The following BBX variants were observed in gnomAD, a reference collection of about 807,000 sequenced individuals.
The protein encoded by BBX is BBX high mobility group box domain containing.
In BBX, 30 loss-of-function variants were observed where a neutral mutation model predicts 100.2. The ratio of observed to expected loss-of-function variants is 0.30; its 90% confidence interval spans 0.22 to 0.41. BBX has a LOEUF of 0.41. Among genes scored for constraint, BBX ranks in the 10% least tolerant of loss-of-function variants. The probability of loss-of-function intolerance (pLI) is 1.00; values close to 1 mark genes in which losing one functional copy is unlikely to be tolerated. For missense variants in BBX, 1,023 were observed against 1,129.8 expected (o/e 0.91, Z 1.35); for synonymous variants, 376 against 388.1 (o/e 0.97, Z 0.37).
At chr3:107,726,102 TAAG>T (rs1279090190) in intron 5 of BBX, among the ~76,000 whole-genome samples, 2 of 152,028 alleles carry the variant, frequency 1.3e-5, no homozygotes, top group Non-Finnish European at 2.9e-5. Context: ...GGCATGCTAA[TAAG>T]TTCACTCAGC....
chr3:107,741,363 C>T (rs977154720), intron 7 of BBX, among the ~76,000 whole-genome samples: 1 of 152,126 alleles, frequency 6.6e-6, no homozygotes, highest in Non-Finnish European at 1.5e-5. Context: ...TTATACTAAT[C>T]ACTCCCCTTC....
chr3:107,798,771 G>A (rs1450761040), intron 16 of BBX, 51 bp downstream of exon 16: 1 of 1,516,932 alleles, frequency 6.6e-7, no homozygotes, highest in East Asian at 2.3e-5. Flanking sequence ...TAGCTTCCCT[G>A]GGCCACACTG....
chr3:107,690,396 A>G (rs1016017044), intron 3 of BBX, among the ~76,000 whole-genome samples: 1 of 152,202 alleles, frequency 6.6e-6, no homozygotes, highest in Non-Finnish European at 1.5e-5. Flanking sequence ...TTAGACACTT[A>G]TCACAAAGTA....
chr3:107,655,662 C>T (rs1378529275), intron 3 of BBX, among the ~76,000 whole-genome samples: 3 of 150,662 alleles, frequency 2.0e-5, no homozygotes, highest in African/African-American at 7.3e-5. Context: ...GGACTTCAGG[C>T]GTGTGCCACC....
chr3:107,758,502 G>A (rs1447747922), intron 10 of BBX, among the ~76,000 whole-genome samples: 2 of 152,176 alleles, frequency 1.3e-5, no homozygotes, highest in African/African-American at 2.4e-5. Context: ...CATCAGGGGA[G>A]AATATGGTAG....
chr3:107,609,654 C>T (rs981377248), intron 2 of BBX, among the ~76,000 whole-genome samples: 1 of 151,794 alleles, frequency 6.6e-6, no homozygotes, highest in Non-Finnish European at 1.5e-5. Context: ...TTCTACTTTT[C>T]CAATTTATTG....
intron 3 of BBX, among the ~76,000 whole-genome samples, chr3:107,682,765 G>T (rs2059634731): frequency 6.6e-6 from 1 of 152,074 alleles, no homozygotes; most frequent in Non-Finnish European, 1.5e-5. Context: ...CAGACAAAAA[G>T]GCTCATTTGC....
At chr3:107,617,873 CT>C (rs1438305441) in intron 2 of BBX, among the ~76,000 whole-genome samples, 5 of 150,562 alleles carry the variant, frequency 3.3e-5, no homozygotes, top group Non-Finnish European at 7.4e-5. Context: ...GTCTGTATGC[CT>C]TTTTTTTTCC....
At chr3:107,795,376 T>C (rs1403935208) in intron 15 of BBX, among the ~76,000 whole-genome samples, 1 of 152,190 alleles carries the variant, frequency 6.6e-6, no homozygotes, top group African/African-American at 2.4e-5. Context: ...AAGGCTGTCC[T>C]CAGTCTAAAC....
intron 3 of BBX, among the ~76,000 whole-genome samples, chr3:107,678,786 T>G (rs1017449968): frequency 7.9e-5 from 12 of 152,166 alleles, no homozygotes; most frequent in Admixed American, 3.3e-4. Context: ...ATGTTTATAG[T>G]CCATGATTAA....
intron 13 of BBX, among the ~76,000 whole-genome samples, chr3:107,786,060 G>A (rs941720625): frequency 6.6e-6 from 1 of 151,950 alleles, no homozygotes; most frequent in African/African-American, 2.4e-5. Context: ...AATGAGATTA[G>A]GAACACAATT....
At chr3:107,680,461 T>G (rs1408640451) in intron 3 of BBX, among the ~76,000 whole-genome samples, 2 of 152,022 alleles carry the variant, frequency 1.3e-5, no homozygotes, top group African/African-American at 4.8e-5. Flanking sequence ...TAAAATGAGG[T>G]TGTTGATTGA....
intron 9 of BBX, among the ~76,000 whole-genome samples, chr3:107,750,009 T>C (rs73850155): frequency 0.018 from 2,668 of 152,292 alleles, 75 homozygotes; most frequent in African/African-American, 0.061. Context: ...TCTAAGGGAC[T>C]GGTTTGGTGG....
chr3:107,565,420 C>T (rs990271410), intron 2 of BBX, among the ~76,000 whole-genome samples: 3 of 149,774 alleles, frequency 2.0e-5, no homozygotes, highest in Admixed American at 2.0e-4. Flanking sequence ...ATATTTATTT[C>T]ACTACTATTA....
chr3:107,742,135 T>C (rs1347885761), intron 7 of BBX, among the ~76,000 whole-genome samples: 14 of 152,202 alleles, frequency 9.2e-5, no homozygotes, highest in Admixed American at 9.2e-4. Flanking sequence ...TAAATAATTA[T>C]TGCATTGAGC....
In BBX at chr3:107,655,511, ATT is replaced by A. The variant is rs35368803; in HGVS notation, c.-10+9624_-10+9625del. Among the ~76,000 whole-genome samples the A allele has an allele frequency of 8.7e-3, 1,025 of 117,566 alleles. 12 individuals carry two copies. Among genetic ancestry groups the A allele is most frequent in the Middle Eastern group, 0.03 (6 of 200 alleles). The allele number at this position is 117,566 out of a possible 152,430, so 77.1% of individuals were successfully genotyped here. A position where few individuals can be genotyped will look rare whatever the true frequency, so the allele number is the denominator to read the frequency against. ...ATGGGAACTTAAAGTATGATAATTA[ATT>A]TTTTTTTTTTTTTTTTTTTTTAAGA... On this transcript the variant is annotated intron_variant, in intron 3 of 17. Coordinates refer to ENST00000325805, the MANE Select transcript of BBX (RefSeq NM_001142568.3).
chr3:107,544,874 G>A (rs1025115359), intron 2 of BBX, among the ~76,000 whole-genome samples: 18 of 151,084 alleles, frequency 1.2e-4, no homozygotes, highest in African/African-American at 2.9e-4. Flanking sequence ...AAAAGTAGCC[G>A]GACATGGTGG....
Position 107,620,943 on chromosome 3 carries a change from T to TGG in BBX, c.-83-24887_-83-24886dup, listed in dbSNP as rs1491458738. On this transcript the variant is annotated intron_variant, in intron 2 of 17. Coordinates refer to ENST00000325805, the MANE Select transcript of BBX (RefSeq NM_001142568.3). ...GATTGATTTCTGCGGAGTGTGTGTG[T>TGG]GGGGGGGTGGGGGGAGAAAATCGGA... 1.8e-4 allele frequency among the ~76,000 whole-genome samples: 21 copies of TGG among 114,172 alleles called. No individual in the cohort carries two copies. In the East Asian group the frequency reaches 1.9e-3, roughly 11 times the overall value. The allele number at this position is 114,172 out of a possible 152,430, so 74.9% of individuals were successfully genotyped here.
At chr3:107,657,597 T>C (rs548310597) in intron 3 of BBX, among the ~76,000 whole-genome samples, 1 of 152,182 alleles carries the variant, frequency 6.6e-6, no homozygotes. Context: ...AAGTCAAAGA[T>C]AGGTTTTTAA....
Sources: allele counts gnomAD v4.1 joint callset (sites outside exome capture counted in the v4.1 genomes callset), GRCh38; gene constraint gnomAD v4.1.1; transcripts MANE v1.5; gene names NCBI Gene and HGNC (gene_info 2026-07-23, HGNC 2026-07-21).